The following NAALAD2 variants were observed in gnomAD, a reference collection of about 807,000 sequenced individuals.
The protein encoded by NAALAD2 is N-acetylated alpha-linked acidic dipeptidase 2, also known as N-acetylated-alpha-linked acidic dipeptidase 2.
Under a neutral mutation model 95.6 loss-of-function variants are expected in NAALAD2, and 89 were observed. The observed-to-expected ratio is 0.93, with a 90% CI of 0.78 to 1.11. The LOEUF is 1.11. Ranked by LOEUF, NAALAD2 falls within the 50% of genes least tolerant of loss-of-function variation. The probability of loss-of-function intolerance (pLI) is 0.00; values close to 1 mark genes in which losing one functional copy is unlikely to be tolerated. For missense variants in NAALAD2, 894 were observed against 872.4 expected, an observed-to-expected ratio of 1.02 and a Z score of -0.31; for synonymous variants, 264 against 294.4, an observed-to-expected ratio of 0.90 and a Z score of 1.06.
At chr11:90,182,273 C>T (rs1442324663) in intron 17 of NAALAD2, among the ~76,000 whole-genome samples, 1 of 152,014 alleles carries the variant, frequency 6.6e-6, no homozygotes, top group African/African-American at 2.4e-5. Flanking sequence ...ATAAATTTAT[C>T]CACAGATGTG....
In NAALAD2 at chr11:90,147,354, G is replaced by T; in HGVS notation, c.219G>T (p.Leu73=). The part of the protein sequence containing the change: ...FLRSFTKLPH[L]AGTEQNFLLA... ...GTTCTTTTACAAAGCTTCCTCATCT[G>T]GCAGGAACAGAACAAAATTTCTTGC... Residue 73 remains leucine, a synonymous_variant, in exon 3 of 19, where the codon CTG becomes CTT. Transcript: ENST00000534061. The T allele has an allele frequency of 6.2e-7, 1 of 1,613,726 alleles. No homozygotes were observed. The highest frequency in any genetic ancestry group is 1.1e-5 in the South Asian group (1 of 91,050).
chr11:90,132,364 A>G (rs10830411), upstream of NAALAD2, among the ~76,000 whole-genome samples: 20,998 of 152,238 alleles, frequency 0.14, 2,104 homozygotes, highest in Admixed American at 0.31. Flanking sequence ...AATTTAATAA[A>G]TAGCTTAGCA....
intron 6 of NAALAD2, among the ~76,000 whole-genome samples, chr11:90,156,501 G>A (rs558072486): frequency 4.6e-5 from 7 of 152,064 alleles, no homozygotes; most frequent in South Asian, 2.1e-4. Context: ...TTTTTTCTAC[G>A]ATGGATTATT....
rs768365603 is a variant in NAALAD2, at chr11:90,134,732, C to T, written c.-27C>T. 6 of 1,609,824 alleles carry T rather than the reference C, an allele frequency of 3.7e-6. No homozygotes were observed. The highest frequency in any genetic ancestry group is 5.1e-6 in the Non-Finnish European group (6 of 1,177,324). ...CCCCGAAGCTCGCGAATGTAGCAGG[C>T]GCCCCAAGCTCGGTCCTCAAGAAGC... On this transcript the variant is annotated 5_prime_UTR_variant, in exon 1 of 19. Coordinates refer to ENST00000534061, the MANE Select transcript of NAALAD2 (RefSeq NM_005467.4).
chr11:90,174,343 A>T (rs1453447768), intron 14 of NAALAD2, among the ~76,000 whole-genome samples: 2 of 152,082 alleles, frequency 1.3e-5, no homozygotes, highest in East Asian at 1.9e-4. Context: ...AAAAAAAAAA[A>T]AATAAGAATT....
At chr11:90,170,310 G>A (rs1028522477) in intron 13 of NAALAD2, among the ~76,000 whole-genome samples, 174 bp downstream of exon 13, 6 of 152,136 alleles carry the variant, frequency 3.9e-5, no homozygotes, top group African/African-American at 1.4e-4. Context: ...TAACTAAGAA[G>A]ATATTATCAC....
At chr11:90,169,507 CAA>C (rs540978451) in intron 12 of NAALAD2, 16 of 110,004 alleles carry the variant, frequency 1.5e-4, no homozygotes, top group South Asian at 2.8e-4. Flanking sequence ...CCCTGACTCT[CAA>C]AAAAAAAAAA....
At chr11:90,149,700 AGTGCTGGGATTACAGGC>A (rs1221099546) in intron 4 of NAALAD2, among the ~76,000 whole-genome samples, 7 of 151,934 alleles carry the variant, frequency 4.6e-5, no homozygotes, top group African/African-American at 1.7e-4. Context: ...AGCCTCCCAA[AGTGCTGGGATTACAGGC>A]GTGAGCTACC....
At chr11:90,152,554 C>T in intron 6 of NAALAD2, 70 bp downstream of exon 6, 1 of 1,189,548 alleles carries the variant, frequency 8.4e-7, no homozygotes, top group Admixed American at 2.2e-5. Context: ...GGAATACAAG[C>T]AAGCATGTTC....
chr11:90,137,149 TAAAA>T (rs893386560), intron 2 of NAALAD2, among the ~76,000 whole-genome samples: 1 of 149,550 alleles, frequency 6.7e-6, no homozygotes, highest in African/African-American at 2.4e-5. Flanking sequence ...ATGTGGGAGC[TAAAA>T]AAAAATTGAT....
intron 2 of NAALAD2, among the ~76,000 whole-genome samples, chr11:90,139,177 A>G (rs974829734): frequency 2.5e-4 from 38 of 152,194 alleles, no homozygotes; most frequent in African/African-American, 8.7e-4. Context: ...GACTGCAGGA[A>G]CAAAGTATGG....
intron 18 of NAALAD2, among the ~76,000 whole-genome samples, chr11:90,184,038 C>T (rs914832169): frequency 4.6e-5 from 7 of 152,014 alleles, no homozygotes; most frequent in African/African-American, 1.4e-4. Context: ...TAGAAAGGTC[C>T]TAGCATTCAA....
intron 15 of NAALAD2, 117 bp downstream of exon 15, chr11:90,176,179 A>G: frequency 1.4e-6 from 1 of 692,366 alleles, no homozygotes; most frequent in Non-Finnish European, 2.5e-6. Flanking sequence ...AAGAGTTCCC[A>G]GGGATAGAGA....
chr11:90,155,533 C>A (rs1952067610), intron 6 of NAALAD2, among the ~76,000 whole-genome samples: 3 of 100,234 alleles, frequency 3.0e-5, no homozygotes, highest in South Asian at 2.9e-4. Flanking sequence ...ATTATATATG[C>A]TATATTATAT....
intron 1 of NAALAD2, chr11:90,135,206 G>C (rs1159536978): frequency 3.3e-6 from 1 of 303,478 alleles, no homozygotes; most frequent in African/African-American, 2.1e-5. Flanking sequence ...ACGAAACAAA[G>C]CAAAACAAAA....
At chr11:90,159,017 G>T in intron 7 of NAALAD2, 2 of 479,028 alleles carry the variant, frequency 4.2e-6, no homozygotes, top group East Asian at 4.0e-5. Context: ...TTTTCTCTTT[G>T]CTCTCATCAC....
chr11:90,188,274 G>C (rs1219320818), intron 18 of NAALAD2, among the ~76,000 whole-genome samples: 1 of 152,150 alleles, frequency 6.6e-6, no homozygotes, highest in Non-Finnish European at 1.5e-5. Flanking sequence ...TTGAGATTCA[G>C]TAATGAATAA....
chr11:90,139,575 TC>T (rs1565508470), intron 2 of NAALAD2, among the ~76,000 whole-genome samples: 1 of 152,174 alleles, frequency 6.6e-6, no homozygotes, highest in African/African-American at 2.4e-5. Context: ...CCTCCTCTTA[TC>T]TCGACACTTT....
intron 2 of NAALAD2, 80 bp from the exon 3 acceptor site, chr11:90,147,250 G>C (rs1229850913): frequency 9.4e-7 from 1 of 1,060,732 alleles, no homozygotes; most frequent in Non-Finnish European, 1.4e-6. Context: ...CAATGCATAA[G>C]TAGTGCATTT....
Sources: gnomAD v4.1 joint callset for allele counts (sites outside exome capture counted in the v4.1 genomes callset) on GRCh38, gnomAD v4.1.1 for gene constraint, MANE v1.5 for transcripts, NCBI Gene and HGNC (gene_info 2026-07-23, HGNC 2026-07-21) for gene names.